The following RSPH14 variants were observed in gnomAD, a reference collection of about 807,000 sequenced individuals.
RSPH14 encodes rhabdoid tumor deletion region gene 1.
RSPH14 carries 20 observed loss-of-function variants against 26.7 expected under a neutral mutation model. The ratio of observed to expected loss-of-function variants is 0.75; its 90% CI spans 0.53 to 1.09. The LOEUF (loss-of-function observed/expected upper bound fraction) is 1.09. Ranked by LOEUF, RSPH14 falls within the 50% of genes least tolerant of loss-of-function variation. RSPH14 has a pLI of 0.00. For synonymous variants in RSPH14, 177 were observed against 189.3 expected (o/e 0.93, Z 0.53); for missense variants, 449 against 457.2 (o/e 0.98, Z 0.16).
At chr22:23,163,171 G>A in the RSPH14 span, 82,511 of 164,392 alleles carry the variant, frequency 0.5, 20,939 homozygotes, top group East Asian at 0.64. Context: ...TCGGCCTCCC[G>A]AAGTGCTGGG....
At chr22:23,156,141 C>CTGA in the RSPH14 span, 46 of 861,592 alleles carry the variant, frequency 5.3e-5, no homozygotes, top group Admixed American at 8.5e-4. Context: ...TTTTTGTCCT[C>CTGA]CAAGACCCAC....
chr22:23,151,507 G>T, the RSPH14 span, among the ~76,000 whole-genome samples: 52 of 152,188 alleles, frequency 3.4e-4, no homozygotes, highest in Admixed American at 1.3e-3. Flanking sequence ...GGCAGAGGAA[G>T]TGCCTGTCAG....
rs2146212983 is a variant in RSPH14 at position 23,064,082 on chromosome 22, A to G, written c.473T>C (p.Leu158Pro). The G allele has an allele frequency of 6.2e-7, 1 of 1,614,160 alleles. No individual in the cohort carries two copies. Residue 158 changes from leucine (L) to proline (P), a missense_variant, in exon 5 of 7, where the codon CTG becomes CCG. Physicochemically the swap from Leu to Pro is moderately conservative, Grantham distance 98 (BLOSUM62 -3). Transcript: ENST00000216036. ...KGLISSLVWK[L>P]QVEVEEEEFQ... ...CTCCTCCTCCTCCACCTCCACCTGC[A>G]GCTTCCATACCAGTGAGGAAATCAG...
At chr22:23,097,755 C>T (rs1328557107) in intron 4 of RSPH14, among the ~76,000 whole-genome samples, 2 of 152,236 alleles carry the variant, frequency 1.3e-5, no homozygotes, top group African/African-American at 2.4e-5. Flanking sequence ...GAGGCATGGC[C>T]GTGGGCAGAG....
chr22:23,111,072 T>TG (rs1203240418), intron 4 of RSPH14, among the ~76,000 whole-genome samples: 1 of 152,230 alleles, frequency 6.6e-6, no homozygotes, highest in Non-Finnish European at 1.5e-5. Flanking sequence ...CATCATTTGC[T>TG]GGGGGGCCTG....
chr22:23,178,393 G>A, the RSPH14 span, among the ~76,000 whole-genome samples: 4 of 147,120 alleles, frequency 2.7e-5, no homozygotes, highest in Admixed American at 6.9e-5. Context: ...TCCAGCCTGG[G>A]CAACAGTGTG....
At chr22:23,116,449 GTCCC>G (rs1450736032) in intron 4 of RSPH14, among the ~76,000 whole-genome samples, 1 of 152,246 alleles carries the variant, frequency 6.6e-6, no homozygotes, top group African/African-American at 2.4e-5. Flanking sequence ...GCAGGCCAGT[GTCCC>G]TCCCACCCGG....
chr22:23,180,534 C>G, the RSPH14 span: 50 of 183,148 alleles, frequency 2.7e-4, no homozygotes, highest in Non-Finnish European at 6.5e-5. Context: ...GGCGGGAGTG[C>G]GGCGAGAGCC....
chr22:23,080,489 C>A (rs1416789888), intron 4 of RSPH14, among the ~76,000 whole-genome samples: 1 of 152,246 alleles, frequency 6.6e-6, no homozygotes, highest in Non-Finnish European at 1.5e-5. Context: ...GTCCTTCCTC[C>A]CATCTGCTCG....
rs1330853628 is a variant in RSPH14, at chr22:23,119,553, T to C, written c.421+14473A>G. ...ACACTGCCAGCACCACACTGTCCCA[T>C]GCTGGGCCCTCTGACCTTCTTTATA... On this transcript the variant is annotated intron_variant, in intron 4 of 6. Coordinates refer to ENST00000216036, the MANE Select transcript of RSPH14 (RefSeq NM_014433.3). Among the ~76,000 whole-genome samples the C allele has an allele frequency of 3.3e-5, 5 of 152,240 alleles. No homozygotes were observed. In the South Asian group the frequency reaches 8.3e-4, roughly 25 times the overall value.
chr22:23,065,774 T>A (rs942920280), intron 4 of RSPH14, among the ~76,000 whole-genome samples: 2 of 151,488 alleles, frequency 1.3e-5, no homozygotes, highest in Non-Finnish European at 2.9e-5. Context: ...GTGGCAAGAG[T>A]CTCCTGAATT....
chr22:23,130,674 C>T (rs1386303434), intron 4 of RSPH14, among the ~76,000 whole-genome samples: 1 of 152,118 alleles, frequency 6.6e-6, no homozygotes, highest in African/African-American at 2.4e-5. Context: ...GGATAAATTA[C>T]ACACTCCTTC....
intron 4 of RSPH14, among the ~76,000 whole-genome samples, chr22:23,088,154 C>T (rs947060226): frequency 1.3e-5 from 2 of 152,190 alleles, no homozygotes; most frequent in African/African-American, 2.4e-5. Flanking sequence ...TTTGTAAAGG[C>T]GGTTTCAAGC....
At chr22:23,060,975 G>A (rs1437676367) in intron 6 of RSPH14, among the ~76,000 whole-genome samples, 1 of 152,122 alleles carries the variant, frequency 6.6e-6, no homozygotes, top group Admixed American at 6.5e-5. Flanking sequence ...AACACGCAGG[G>A]GGAGCCCCTG....
chr22:23,084,836 A>G (rs2146283822), intron 4 of RSPH14, among the ~76,000 whole-genome samples: 1 of 152,314 alleles, frequency 6.6e-6, no homozygotes, highest in Middle Eastern at 3.4e-3. Context: ...GTGGGCGTGG[A>G]CACCAACCCT....
upstream of RSPH14, chr22:23,145,047 G>T: frequency 2.5e-6 from 1 of 406,960 alleles, no homozygotes; most frequent in Non-Finnish European, 4.5e-6. Context: ...TGCAGACTAA[G>T]GTCAGTAGAT....
upstream of RSPH14, among the ~76,000 whole-genome samples, chr22:23,143,417 G>A (rs1276375956): frequency 6.6e-6 from 1 of 151,974 alleles, no homozygotes; most frequent in African/African-American, 2.4e-5. Context: ...ATTCCTCTAG[G>A]AGCGGTACCC....
intron 4 of RSPH14, among the ~76,000 whole-genome samples, chr22:23,130,079 GAAAGGAAGAAAGAAAGA>G (rs1431306778): frequency 6.6e-5 from 2 of 30,498 alleles, no homozygotes; most frequent in Non-Finnish European, 1.4e-4. Context: ...AAGAAAGAAA[GAAAGGAAGAAAGAAAGA>G]AAGAAAGAAA....
chr22:23,079,712 G>T (rs1014383317), intron 4 of RSPH14, among the ~76,000 whole-genome samples: 3 of 152,216 alleles, frequency 2.0e-5, no homozygotes, highest in African/African-American at 7.2e-5. Flanking sequence ...AAACAGATGA[G>T]AGGCTGGGGC....
Sources: gnomAD v4.1 joint callset for allele counts (sites outside exome capture counted in the v4.1 genomes callset) on GRCh38, gnomAD v4.1.1 for gene constraint, MANE v1.5 for transcripts, NCBI Gene and HGNC (gene_info 2026-07-23, HGNC 2026-07-21) for gene names.